GPR174: variants seen among roughly 807,000 people sequenced by gnomAD.
GPR174 encodes the protein probable G protein-coupled receptor 174.
GPR174 carries 8 observed loss-of-function variants against 16.5 expected under a neutral mutation model. The ratio of observed to expected loss-of-function variants is 0.48; its 90% CI spans 0.28 to 0.87. The LOEUF is 0.87. GPR174 is among the 40% of genes least tolerant of loss of function. GPR174 has a pLI of 0.09. For missense variants in GPR174, 214 were observed against 247.5 expected (o/e 0.86, Z 0.91); for synonymous variants, 111 against 94.8 (o/e 1.17, Z -0.99).
intron 2 of GPR174, among the ~76,000 whole-genome samples, chrX:79,165,657 C>T (rs1247247039): frequency 9.0e-6 from 1 of 111,656 alleles, no homozygotes; most frequent in African/African-American, 3.3e-5. Context: ...ACCAACAATT[C>T]CGGCCAGAAC....
chrX:79,159,517 A>G (rs1219196866), intron 2 of GPR174, among the ~76,000 whole-genome samples: 2 of 111,741 alleles, frequency 1.8e-5, no homozygotes, highest in Non-Finnish European at 3.8e-5. Flanking sequence ...ATAAATATTA[A>G]CTCATTAAAT....
intron 2 of GPR174, among the ~76,000 whole-genome samples, chrX:79,165,558 A>G (rs981326772): frequency 1.8e-5 from 2 of 111,690 alleles, no homozygotes; most frequent in Admixed American, 1.9e-4. Context: ...TTAGGCCCAA[A>G]CCAAGTGGGA....
Position 79,164,019 on chromosome X carries a change from G to A in GPR174, c.-556-6433G>A, listed in dbSNP as rs185796165. ...ATATATGATGCCATCTGAGAAAAAT[G>A]TGACAACAGTACTGATGAGGACCTA... On this transcript the variant is annotated intron_variant, in intron 2 of 2. Coordinates refer to ENST00000645147, the MANE Select transcript of GPR174 (RefSeq NM_032553.3). 9.9e-4 allele frequency among the ~76,000 whole-genome samples: 110 copies of A among 111,650 alleles called. No individual in the cohort carries two copies. In the East Asian group the frequency reaches 0.014, roughly 15 times the overall value.
Position 79,171,014 on chromosome X carries a change from G to A in GPR174, c.7G>A (p.Ala3Thr). The A allele has an allele frequency of 8.4e-7, 1 of 1,188,942 alleles. No homozygotes were observed. The highest frequency in any genetic ancestry group is 1.1e-6 in the Non-Finnish European group (1 of 883,933). The change falls in exon 3 of 3, where the codon GCT becomes ACT. Residue 3 changes from alanine to threonine, a missense_variant. Ala to Thr is a moderately conservative substitution (Grantham distance 58). Coordinates refer to ENST00000645147, the MANE Select transcript of GPR174 (RefSeq NM_032553.3). MP[A>T]NYTCTRPDGD... ...AGTTTCTCTAGAGAGAATCATGCCT[G>A]CTAATTACACGTGTACCAGGCCAGA...
chrX:79,159,337 T>G (rs758097228), intron 2 of GPR174, among the ~76,000 whole-genome samples: 2 of 112,081 alleles, frequency 1.8e-5, no homozygotes, highest in Non-Finnish European at 3.8e-5. Context: ...TATTCATAGA[T>G]GTATAAAGAT....
At position 79,145,465 on chromosome X, in the gene GPR174, G is replaced by A. The variant is rs546664952; in HGVS notation, c.-654+248G>A. Among the ~76,000 whole-genome samples the A allele has an allele frequency of 5.4e-5, 6 of 111,765 alleles. 1 individual carries two copies. In the South Asian group the frequency reaches 2.2e-3, roughly 42 times the overall value. ...TGGGAAAATATAAGTTTGACATGGAGAGATTTTTAATAATGTGTTTAGCTC... is the reference window on the plus strand; with the variant it reads ...TGGGAAAATATAAGTTTGACATGGAAAGATTTTTAATAATGTGTTTAGCTC... On this transcript the variant is annotated intron_variant, in intron 1 of 2. Transcript: ENST00000645147.
At position 79,171,880 on chromosome X, in the gene GPR174, A is replaced by G. The variant is rs772507543; in HGVS notation, c.873A>G (p.Ile291Met). The G allele has an allele frequency of 2.5e-6, 3 of 1,211,335 alleles. No homozygotes were observed. In the East Asian group the frequency reaches 8.9e-5, roughly 36 times the overall value. ...TGAATTCATGTCTTGACCCAGTCAT[A>G]TACTACTTTTCCACTAATGAGTTCC... ...ASLNSCLDPV[I>M]YYFSTNEFRR... Residue 291 changes from isoleucine (I) to methionine (M), a missense_variant, in exon 3 of 3, where the codon ATA becomes ATG. Ile to Met is a conservative substitution (Grantham distance 10, BLOSUM62 1). Coordinates refer to ENST00000645147, the MANE Select transcript of GPR174 (RefSeq NM_032553.3).
At position 79,170,852 on chromosome X, in the gene GPR174, C is replaced by A. The variant is rs1377353696; in HGVS notation, c.-156C>A. 1 of 462,073 alleles carries A rather than the reference C, an allele frequency of 2.2e-6. No individual in the cohort carries two copies. Among genetic ancestry groups the A allele is most frequent in the Non-Finnish European group, 3.7e-6 (1 of 272,922 alleles). The allele number at this position is 462,073 out of a possible 1,213,427, so 38.1% of individuals were successfully genotyped here. The stretch of plus-strand genomic sequence containing the variant: ...TTCTTTGAAAAATCCCCAAATCATA[C>A]GTAGAGACTCAGACAGATGTGGTAA... On this transcript the variant is annotated 5_prime_UTR_variant, in exon 3 of 3. Transcript: ENST00000645147.
chrX:79,154,421 A>C (rs987581822), intron 1 of GPR174, among the ~76,000 whole-genome samples: 16 of 111,605 alleles, frequency 1.4e-4, no homozygotes, highest in African/African-American at 5.2e-4. Context: ...AACACTCGCT[A>C]TAAGGGATAT....
intron 2 of GPR174, among the ~76,000 whole-genome samples, chrX:79,166,420 C>CTT (rs1921364538): frequency 2.5e-5 from 1 of 40,718 alleles, no homozygotes; most frequent in Non-Finnish European, 4.9e-5. Flanking sequence ...TCTTTTTTTT[C>CTT]TTTTCTTTTT....
At chrX:79,150,354 A>T (rs1602335820) in intron 1 of GPR174, among the ~76,000 whole-genome samples, 1 of 111,873 alleles carries the variant, frequency 8.9e-6, no homozygotes, top group African/African-American at 3.2e-5. Flanking sequence ...ATTTTCATTT[A>T]GTGACACTCC....
At chrX:79,169,689 C>T (rs5959255) in intron 2 of GPR174, among the ~76,000 whole-genome samples, 24,022 of 110,642 alleles carry the variant, frequency 0.22, 2,636 homozygotes, top group Non-Finnish European at 0.34. Context: ...CTTGAGGCAA[C>T]TATCCAGGCC....
chrX:79,154,724 G>A (rs1921056275), intron 1 of GPR174, among the ~76,000 whole-genome samples: 1 of 111,094 alleles, frequency 9.0e-6, no homozygotes, highest in Non-Finnish European at 1.9e-5. Context: ...TCATTCCGCA[G>A]ATGAAATACC....
intron 2 of GPR174, among the ~76,000 whole-genome samples, chrX:79,159,299 A>G (rs1338972944): frequency 9.0e-6 from 1 of 111,718 alleles, no homozygotes; most frequent in Non-Finnish European, 1.9e-5. Flanking sequence ...CAAACAAAAA[A>G]CAAAACAAAC....
chrX:79,168,850 C>T (rs898729243), intron 2 of GPR174, among the ~76,000 whole-genome samples: 1 of 111,485 alleles, frequency 9.0e-6, no homozygotes, highest in Admixed American at 9.5e-5. Flanking sequence ...CTACCATCTT[C>T]ATAGATAATG....
chrX:79,165,938 GT>G (rs1467231493), intron 2 of GPR174, among the ~76,000 whole-genome samples: 1 of 111,410 alleles, frequency 9.0e-6, no homozygotes, highest in African/African-American at 3.3e-5. Flanking sequence ...TTGTCCAAAT[GT>G]TCATGTTTTC....
chrX:79,156,017 G>A (rs1464505740), intron 1 of GPR174, among the ~76,000 whole-genome samples: 3 of 111,827 alleles, frequency 2.7e-5, no homozygotes, highest in Non-Finnish European at 3.8e-5. Flanking sequence ...TGTATTCTTT[G>A]TATTTCATTT....
At chrX:79,147,564 CA>C (rs1403710145) in intron 1 of GPR174, among the ~76,000 whole-genome samples, 1 of 101,740 alleles carries the variant, frequency 9.8e-6, no homozygotes, top group African/African-American at 3.6e-5. Flanking sequence ...ACAAGATTAA[CA>C]AAGACCTGGC....
At chrX:79,152,768 T>C (rs1926627595) in intron 1 of GPR174, among the ~76,000 whole-genome samples, 1 of 111,940 alleles carries the variant, frequency 8.9e-6, no homozygotes, top group South Asian at 3.7e-4. Flanking sequence ...CATTTTTCAG[T>C]TTCTCTATCT....
Sources: allele counts gnomAD v4.1 joint callset (sites outside exome capture counted in the v4.1 genomes callset), GRCh38; gene constraint gnomAD v4.1.1; transcripts MANE v1.5; gene names NCBI Gene and HGNC (gene_info 2026-07-23, HGNC 2026-07-21).